Variants in GRM7 observed in about 807,000 individuals in gnomAD.
The protein encoded by GRM7 is metabotropic glutamate receptor 7.
Under a neutral mutation model 84.5 loss-of-function variants are expected in GRM7, and 35 were observed. That is an observed-to-expected ratio of 0.41 (90% CI 0.32 to 0.55). The LOEUF is 0.55. Among genes scored for constraint, GRM7 ranks in the 20% least tolerant of loss-of-function variants. The pLI is 0.19. For synonymous variants in GRM7, 487 were observed against 455.1 expected (o/e 1.07, Z -0.89); for missense variants, 1,003 against 1,194.6 (o/e 0.84, Z 2.36).
chr3:7,425,338 C>T (rs1013058603), intron 5 of GRM7, among the ~76,000 whole-genome samples: 4 of 152,150 alleles, frequency 2.6e-5, no homozygotes, highest in African/African-American at 9.7e-5. Flanking sequence ...AGCTAGCAGT[C>T]TGTACAAAGA....
intron 9 of GRM7, among the ~76,000 whole-genome samples, chr3:7,708,173 C>T (rs1471775080): frequency 6.6e-6 from 1 of 151,698 alleles, no homozygotes; most frequent in East Asian, 1.9e-4. Context: ...GTCCCAACAC[C>T]ATCTAGCTAG....
intron 4 of GRM7, among the ~76,000 whole-genome samples, chr3:7,412,124 C>T (rs1207391350): frequency 2.6e-5 from 4 of 151,908 alleles, no homozygotes; most frequent in Non-Finnish European, 5.9e-5. Flanking sequence ...GTGTCATATG[C>T]CTATGATGTG....
intron 9 of GRM7, among the ~76,000 whole-genome samples, chr3:7,725,760 T>A (rs1702102550): frequency 6.6e-6 from 1 of 152,196 alleles, no homozygotes; most frequent in Non-Finnish European, 1.5e-5. Context: ...ATTACCTGGC[T>A]GGGGCTGTCC....
At chr3:7,303,458 C>A (rs1700080220) in intron 3 of GRM7, among the ~76,000 whole-genome samples, 1 of 151,894 alleles carries the variant, frequency 6.6e-6, no homozygotes, top group South Asian at 2.1e-4. Context: ...TAAATATTAT[C>A]TAATTCTTAT....
At chr3:7,260,695 G>GTGTGTA (rs1291106018) in intron 2 of GRM7, among the ~76,000 whole-genome samples, 1 of 151,788 alleles carries the variant, frequency 6.6e-6, no homozygotes, top group African/African-American at 2.4e-5. Context: ...GTGTGTGTGT[G>GTGTGTA]TGTGTGTGTG....
At chr3:7,131,593 C>G (rs933521025) in intron 1 of GRM7, among the ~76,000 whole-genome samples, 2 of 152,062 alleles carry the variant, frequency 1.3e-5, no homozygotes, top group African/African-American at 2.4e-5. Flanking sequence ...ATTCTCCTGC[C>G]TCGGCCTCCT....
At chr3:7,523,582 T>A (rs1451474688) in intron 7 of GRM7, among the ~76,000 whole-genome samples, 1 of 152,134 alleles carries the variant, frequency 6.6e-6, no homozygotes, top group African/African-American at 2.4e-5. Flanking sequence ...GTATGCATCA[T>A]TTAAATTTGA....
At chr3:7,272,221 T>C (rs1217979372) in intron 2 of GRM7, among the ~76,000 whole-genome samples, 1 of 152,188 alleles carries the variant, frequency 6.6e-6, no homozygotes, top group African/African-American at 2.4e-5. Context: ...TATTTTGTAA[T>C]ATATACTATC....
chr3:7,217,988 G>A (rs1696671158), intron 2 of GRM7, among the ~76,000 whole-genome samples: 1 of 151,930 alleles, frequency 6.6e-6, no homozygotes, highest in South Asian at 2.1e-4. Context: ...ATATGATAGT[G>A]TTACATATGT....
intron 4 of GRM7, among the ~76,000 whole-genome samples, chr3:7,372,645 G>A (rs534187440): frequency 1.5e-4 from 23 of 152,196 alleles, no homozygotes; most frequent in Middle Eastern, 6.8e-3. Flanking sequence ...AAAGTAGCAG[G>A]TGTTTTAGAA....
intron 9 of GRM7, among the ~76,000 whole-genome samples, chr3:7,686,622 T>A (rs1316557447): frequency 2.0e-5 from 3 of 151,972 alleles, no homozygotes; most frequent in African/African-American, 7.3e-5. Context: ...ATTGGTCATA[T>A]GCCTGCTTAA....
At chr3:7,541,406 A>T (rs897744049) in intron 7 of GRM7, among the ~76,000 whole-genome samples, 2 of 152,164 alleles carry the variant, frequency 1.3e-5, no homozygotes, top group Non-Finnish European at 2.9e-5. Flanking sequence ...TGAGATTAAA[A>T]TAGTAGTAAT....
chr3:7,681,488 T>C (rs573005515), intron 9 of GRM7: 4 of 152,360 alleles, frequency 2.6e-5, no homozygotes, highest in Non-Finnish European at 4.4e-5. Context: ...GTTGAGTGAA[T>C]GTCGTGAAAT....
intron 1 of GRM7, among the ~76,000 whole-genome samples, chr3:7,065,299 C>T (rs1021723095): frequency 7.9e-5 from 12 of 151,876 alleles, no homozygotes; most frequent in African/African-American, 2.9e-4. Context: ...TCAATGTTAT[C>T]TTCCAGAATT....
At chr3:7,024,894 G>C (rs1695919994) in intron 1 of GRM7, among the ~76,000 whole-genome samples, 1 of 152,174 alleles carries the variant, frequency 6.6e-6, no homozygotes, top group Non-Finnish European at 1.5e-5. Context: ...CACAACCTTA[G>C]TGGCTTAAAA....
chr3:7,398,930 C>A (rs1437904396), intron 4 of GRM7, among the ~76,000 whole-genome samples: 1 of 151,934 alleles, frequency 6.6e-6, no homozygotes, highest in East Asian at 1.9e-4. Context: ...CCATTGATGG[C>A]TTCTTTGTTT....
chr3:7,050,269 A>G (rs1424795247), intron 1 of GRM7, among the ~76,000 whole-genome samples: 2 of 151,898 alleles, frequency 1.3e-5, no homozygotes, highest in Non-Finnish European at 2.9e-5. Context: ...GGAAGAAAAT[A>G]ACTAACATAA....
intron 4 of GRM7, among the ~76,000 whole-genome samples, chr3:7,320,953 G>T (rs1700756501): frequency 1.3e-5 from 2 of 151,882 alleles, no homozygotes; most frequent in South Asian, 2.1e-4. Flanking sequence ...TCTTTTTGAA[G>T]AAGATGTCTT....
At chr3:7,691,283 C>T in intron 9 of GRM7, 2 of 1,281,658 alleles carry the variant, frequency 1.6e-6, no homozygotes, top group Non-Finnish European at 2.0e-6. Flanking sequence ...CTTGAGCTGA[C>T]CCAACACTTA....
Sources: gnomAD v4.1 joint callset for allele counts (sites outside exome capture counted in the v4.1 genomes callset) on GRCh38, gnomAD v4.1.1 for gene constraint, MANE v1.5 for transcripts, NCBI Gene and HGNC (gene_info 2026-07-23, HGNC 2026-07-21) for gene names.